Variants in RABGAP1L observed in about 807,000 individuals in gnomAD.
The protein encoded by RABGAP1L is rab GTPase-activating protein 1-like.
RABGAP1L carries 63 observed loss-of-function variants against 137.7 expected under a neutral mutation model. That is an observed-to-expected ratio of 0.46 (90% CI 0.37 to 0.56). The LOEUF (loss-of-function observed/expected upper bound fraction) is 0.56, where lower values mean the gene tolerates loss of function less well. Among genes scored for constraint, RABGAP1L ranks in the 20% least tolerant of loss-of-function variants. The pLI, the probability that RABGAP1L is intolerant of heterozygous loss-of-function variation, is 0.00. For synonymous variants in RABGAP1L, 431 were observed against 433.7 expected (o/e 0.99, Z 0.08); for missense variants, 1,095 against 1,244.0 (o/e 0.88, Z 1.80).
chr1:174,668,715 A>G (rs1676961027), intron 14 of RABGAP1L, among the ~76,000 whole-genome samples: 1 of 152,172 alleles, frequency 6.6e-6, no homozygotes, highest in Non-Finnish European at 1.5e-5. Context: ...TTACTAATTT[A>G]CGTTCCCACC....
intron 13 of RABGAP1L, among the ~76,000 whole-genome samples, chr1:174,510,657 TG>T (rs1287417318): frequency 6.6e-6 from 1 of 152,216 alleles, no homozygotes; most frequent in African/African-American, 2.4e-5. Context: ...AGCTTTGCTT[TG>T]TCATTTACAT....
chr1:174,288,379 A>G (rs184956213), intron 10 of RABGAP1L, among the ~76,000 whole-genome samples: 18 of 152,296 alleles, frequency 1.2e-4, no homozygotes, highest in Admixed American at 3.3e-4. Context: ...GGCATTTCTT[A>G]TAAGGCAGAT....
intron 3 of RABGAP1L, among the ~76,000 whole-genome samples, chr1:174,222,702 A>G (rs1669851768): frequency 6.6e-6 from 1 of 152,242 alleles, no homozygotes; most frequent in Admixed American, 6.5e-5. Flanking sequence ...AGCTATCACC[A>G]TAGCTCTTTG....
intron 13 of RABGAP1L, among the ~76,000 whole-genome samples, chr1:174,617,058 G>T (rs1386497552): frequency 3.9e-5 from 6 of 152,088 alleles, no homozygotes; most frequent in Admixed American, 6.6e-5. Context: ...GCCAGCAAAG[G>T]AACTAAAAAG....
intron 17 of RABGAP1L, among the ~76,000 whole-genome samples, chr1:174,706,621 A>T (rs948349561): frequency 1.3e-5 from 2 of 152,180 alleles, no homozygotes; most frequent in African/African-American, 4.8e-5. Context: ...TTAATGTAGA[A>T]CTTAATGATT....
chr1:174,778,919 A>C (rs962285400), intron 18 of RABGAP1L, among the ~76,000 whole-genome samples: 1 of 152,072 alleles, frequency 6.6e-6, no homozygotes, highest in Non-Finnish European at 1.5e-5. Flanking sequence ...ATATTGCATT[A>C]TTGCCTTTGG....
chr1:174,376,719 T>C (rs1300286015), intron 12 of RABGAP1L, among the ~76,000 whole-genome samples: 1 of 152,092 alleles, frequency 6.6e-6, no homozygotes. Context: ...TTTCTTAACC[T>C]GATAAAAGGT....
intron 13 of RABGAP1L, among the ~76,000 whole-genome samples, chr1:174,624,764 C>G (rs779221907): frequency 6.6e-6 from 1 of 152,034 alleles, no homozygotes; most frequent in Non-Finnish European, 1.5e-5. Context: ...GCTTTCCCCT[C>G]TGACTGTAAC....
At chr1:174,982,309 G>T (rs889180064) in intron 23 of RABGAP1L, among the ~76,000 whole-genome samples, 1 of 151,866 alleles carries the variant, frequency 6.6e-6, no homozygotes, top group African/African-American at 2.4e-5. Flanking sequence ...ACCAGGCCGC[G>T]GTGTGTGATG....
At chr1:174,756,456 C>CAT (rs200593821) in intron 18 of RABGAP1L, among the ~76,000 whole-genome samples, 9 of 151,208 alleles carry the variant, frequency 6.0e-5, no homozygotes, top group East Asian at 3.9e-4. Context: ...TGCCCTGTAC[C>CAT]ATATATATAT....
In RABGAP1L at chr1:174,771,799, G is replaced by A. The variant is rs1242449973; in HGVS notation, c.2211+19445G>A. 2.0e-5 allele frequency among the ~76,000 whole-genome samples: 3 copies of A among 152,320 alleles called. No homozygotes were observed. In the East Asian group the frequency reaches 5.8e-4, roughly 29 times the overall value. ...GTAGCATTTAAACAGTTTGTAATGA[G>A]CTCTCAAATGCATTTTTTAAATGTT... On this transcript the variant is annotated intron_variant, in intron 18 of 25. Coordinates refer to ENST00000681986, the MANE Select transcript of RABGAP1L (RefSeq NM_001366446.1).
chr1:174,711,153 C>T lies in RABGAP1L; in HGVS notation c.2169+8897C>T, dbSNP rs575771090. Among the ~76,000 whole-genome samples the T allele has an allele frequency of 1.1e-4, 17 of 152,246 alleles. No individual in the cohort carries two copies. In the East Asian group the frequency reaches 2.0e-3, roughly 18 times the overall value. ...GTGAGTGCGGGGCCTGCCGAGCCCA[C>T]GCCCACCCGGAACTCACGCTGGCCC... On this transcript the variant is annotated intron_variant, in intron 17 of 25. Coordinates refer to ENST00000681986, the MANE Select transcript of RABGAP1L (RefSeq NM_001366446.1).
Position 174,892,723 on chromosome 1 carries a change from G to GTTTCCTTTT in RABGAP1L, c.2341-64731_2341-64730insCCTTTTTTT, listed in dbSNP as rs1558198469. Reference sequence around the variant, plus strand: ...TTGCTTCAGGCTACCTCATTTCTTTGTTTTCTTTCTTTTTTTTTTTTTTGT... The same window carrying GTTTCCTTTT: ...TTGCTTCAGGCTACCTCATTTCTTTGTTTCCTTTTTTTTCTTTCTTTTTTTTTTTTTTGT... On this transcript the variant is annotated intron_variant, in intron 19 of 25. Transcript: ENST00000681986. 3 of 407,362 alleles carry GTTTCCTTTT rather than the reference G, an allele frequency of 7.4e-6. No homozygotes were observed. In the African/African-American group the frequency reaches 7.7e-5, roughly 10 times the overall value. The allele number at this position is 407,362 out of a possible 1,614,324, so 25.2% of individuals were successfully genotyped here.
At chr1:174,397,289 G>C (rs925856485) in intron 13 of RABGAP1L, among the ~76,000 whole-genome samples, 1 of 152,230 alleles carries the variant, frequency 6.6e-6, no homozygotes, top group African/African-American at 2.4e-5. Flanking sequence ...TGAAGATTGC[G>C]GGGAGGCAAA....
chr1:174,241,778 AT>A, intron 5 of RABGAP1L, 121 bp downstream of exon 5: 1 of 896,390 alleles, frequency 1.1e-6, no homozygotes, highest in Non-Finnish European at 1.6e-6. Flanking sequence ...TAAAGACAAA[AT>A]TAATATTTGT....
intron 1 of RABGAP1L, among the ~76,000 whole-genome samples, chr1:174,181,590 G>T (rs1220918303): frequency 6.6e-6 from 1 of 152,092 alleles, no homozygotes; most frequent in Non-Finnish European, 1.5e-5. Context: ...GCCCACCTCG[G>T]CCTCCCAAAG....
At chr1:174,491,004 C>G (rs1331563054) in intron 13 of RABGAP1L, among the ~76,000 whole-genome samples, 1 of 152,114 alleles carries the variant, frequency 6.6e-6, no homozygotes, top group Admixed American at 6.5e-5. Flanking sequence ...CTCAGAAATG[C>G]CATCTAAAAG....
intron 13 of RABGAP1L, among the ~76,000 whole-genome samples, chr1:174,624,415 G>A (rs1557918431): frequency 1.3e-5 from 2 of 151,998 alleles, no homozygotes; most frequent in African/African-American, 2.4e-5. Flanking sequence ...TAAGCCTTTT[G>A]CAATTTAAGG....
intron 4 of RABGAP1L, among the ~76,000 whole-genome samples, chr1:174,234,284 G>A (rs1258260096): frequency 4.2e-5 from 5 of 119,862 alleles, no homozygotes; most frequent in Non-Finnish European, 8.0e-5. Context: ...GATCCCATTT[G>A]TCAATTTTGT....
Sources: allele counts gnomAD v4.1 joint callset (sites outside exome capture counted in the v4.1 genomes callset), GRCh38; gene constraint gnomAD v4.1.1; transcripts MANE v1.5; gene names NCBI Gene and HGNC (gene_info 2026-07-23, HGNC 2026-07-21).